The following DCAF16 variants were observed in gnomAD, a reference collection of about 807,000 sequenced individuals.
The protein encoded by DCAF16 is DDB1- and CUL4-associated factor 16.
A neutral mutation model predicts 17.3 loss-of-function variants in DCAF16; 10 were observed. The observed-to-expected ratio is 0.58, with a 90% CI of 0.36 to 0.98. The LOEUF (loss-of-function observed/expected upper bound fraction) is 0.98. Among genes scored for constraint, DCAF16 ranks in the 50% least tolerant of loss-of-function variants. The pLI is 0.01. For missense variants in DCAF16, 249 were observed against 247.6 expected, an observed-to-expected ratio of 1.01 and a Z score of -0.04; for synonymous variants, 111 against 92.8, an observed-to-expected ratio of 1.20 and a Z score of -1.12.
chr4:17,794,469 T>G, the DCAF16 span, among the ~76,000 whole-genome samples: 4 of 152,182 alleles, frequency 2.6e-5, no homozygotes, highest in African/African-American at 9.7e-5. Flanking sequence ...AGATTTCAAA[T>G]TTTTGGATTA....
At position 17,801,283 on chromosome 4, in the gene DCAF16, C is replaced by T. The variant is rs1577311874; in HGVS notation, c.*2208G>A. ...AGCTGCGATTACAGGCACATGCCAC[C>T]ACGCCCGGCTAATTTTTATATTTTT... On this transcript the variant is annotated 3_prime_UTR_variant, in exon 3 of 3. Coordinates refer to ENST00000382247, the MANE Select transcript of DCAF16 (RefSeq NM_017741.4). 1 of 152,142 alleles carries T rather than the reference C, an allele frequency of 6.6e-6. No homozygotes were observed. Among genetic ancestry groups the T allele is most frequent in the Admixed American group, 6.5e-5 (1 of 15,276 alleles). The allele number at this position is 152,142 out of a possible 1,614,324, so 9.4% of individuals were successfully genotyped here. A position where few individuals can be genotyped will look rare whatever the true frequency, so the allele number is the denominator to read the frequency against.
Position 17,801,449 on chromosome 4 carries a change from C to T in DCAF16, c.*2042G>A, listed in dbSNP as rs1181784057. On this transcript the variant is annotated 3_prime_UTR_variant, in exon 3 of 3. Coordinates refer to ENST00000382247, the MANE Select transcript of DCAF16 (RefSeq NM_017741.4). ...CTGGCCTGCTTCAATTTTTTGATGC[C>T]ACTTTGTAAACGGCACTTAATTATG... is the stretch of plus-strand genomic sequence containing the variant. 1 of 151,928 alleles carries T rather than the reference C, an allele frequency of 6.6e-6. No individual in the cohort carries two copies. Among genetic ancestry groups the T allele is most frequent in the Admixed American group, 6.6e-5 (1 of 15,236 alleles). The allele number at this position is 151,928 out of a possible 1,614,324, so 9.4% of individuals were successfully genotyped here.
intron 1 of DCAF16, among the ~76,000 whole-genome samples, chr4:17,808,580 C>T (rs1351605263): frequency 6.6e-6 from 1 of 151,760 alleles, no homozygotes; most frequent in Non-Finnish European, 1.5e-5. Flanking sequence ...TGAACCAATA[C>T]CCCCATGGCT....
intron 1 of DCAF16, among the ~76,000 whole-genome samples, chr4:17,809,169 T>C (rs1388322828): frequency 6.6e-6 from 1 of 152,224 alleles, no homozygotes; most frequent in Non-Finnish European, 1.5e-5. Context: ...AGGTATGGCA[T>C]ATTAATACAA....
downstream of DCAF16, among the ~76,000 whole-genome samples, chr4:17,800,429 A>G (rs971317875): frequency 3.3e-5 from 5 of 152,204 alleles, no homozygotes; most frequent in Admixed American, 3.3e-4. Context: ...GGAATTACTT[A>G]AAATACATAA....
chr4:17,797,980 A>C (rs1719503553), downstream of DCAF16, among the ~76,000 whole-genome samples: 2 of 152,188 alleles, frequency 1.3e-5, no homozygotes, highest in Admixed American at 1.3e-4. Flanking sequence ...CTTATTTTGC[A>C]ACACTCATTT....
downstream of DCAF16, among the ~76,000 whole-genome samples, chr4:17,796,424 C>T (rs1486148507): frequency 6.6e-6 from 1 of 152,114 alleles, no homozygotes; most frequent in Non-Finnish European, 1.5e-5. Flanking sequence ...AAAACACACA[C>T]AGATGGCCAG....
At chr4:17,809,859 G>A (rs545385694) in intron 1 of DCAF16, among the ~76,000 whole-genome samples, 1 of 152,226 alleles carries the variant, frequency 6.6e-6, no homozygotes, top group East Asian at 1.9e-4. Context: ...AAAGGTGAGG[G>A]GAGGAAATAT....
chr4:17,808,787 G>C (rs1376376890), intron 1 of DCAF16, among the ~76,000 whole-genome samples: 1 of 152,176 alleles, frequency 6.6e-6, no homozygotes, highest in Non-Finnish European at 1.5e-5. Flanking sequence ...CCAACAGTTT[G>C]GGAGGCAAAG....
intron 2 of DCAF16, 105 bp downstream of exon 2, chr4:17,805,002 T>C (rs1720181945): frequency 6.6e-6 from 1 of 152,182 alleles, no homozygotes; most frequent in Non-Finnish European, 1.5e-5. Flanking sequence ...CTGGGCCAGT[T>C]TGTATGCAGT....
chr4:17,798,081 A>G (rs1399703650), downstream of DCAF16, among the ~76,000 whole-genome samples: 8 of 152,186 alleles, frequency 5.3e-5, no homozygotes, highest in Non-Finnish European at 1.2e-4. Context: ...TGTTAAGCTA[A>G]CCAGTATCCT....
At position 17,803,951 on chromosome 4, in the gene DCAF16, G is replaced by C. The variant is rs1164090822; in HGVS notation, c.191C>G (p.Thr64Arg). Residue 64 changes from threonine to arginine, a missense_variant, in exon 3 of 3, where the codon ACA becomes AGA. Thr to Arg is a moderately conservative substitution (Grantham distance 71). Transcript: ENST00000382247. ...WQVKCLLKYSTTWKPLNPNSW... is the reference protein window; with the variant it reads ...WQVKCLLKYSRTWKPLNPNSW... ...ATTAGGATTTAAAGGTTTCCAAGTT[G>C]TGGAATATTTTAAAAGGCACTTAAC... 1 of 1,614,010 alleles carries C rather than the reference G, an allele frequency of 6.2e-7. No individual in the cohort carries two copies. The highest frequency in any genetic ancestry group is 8.5e-7 in the Non-Finnish European group (1 of 1,180,040).
intron 1 of DCAF16, among the ~76,000 whole-genome samples, chr4:17,806,461 T>C (rs946786293): frequency 6.6e-6 from 1 of 152,150 alleles, no homozygotes; most frequent in African/African-American, 2.4e-5. Flanking sequence ...CTAGACCATA[T>C]ATAAAGACAT....
At chr4:17,806,980 TAAAA>T (rs1720386983) in intron 1 of DCAF16, among the ~76,000 whole-genome samples, 2 of 152,010 alleles carry the variant, frequency 1.3e-5, no homozygotes, top group African/African-American at 4.8e-5. Flanking sequence ...TGAAAAAAAG[TAAAA>T]CTGTATTGGA....
rs780625557 is a variant in DCAF16 at position 17,804,360 on chromosome 4, A to G, written c.-219T>C. ...TCTTCACTTACAAAGAAGACATCTC[A>G]GTTTCCAGGACCAGTTCAGTGTGTA... On this transcript the variant is annotated 5_prime_UTR_variant, in exon 3 of 3. Transcript: ENST00000382247. 6 of 568,214 alleles carry G rather than the reference A, an allele frequency of 1.1e-5. No homozygotes were observed. Among genetic ancestry groups the G allele is most frequent in the South Asian group, 2.1e-5 (1 of 46,792 alleles). The allele number at this position is 568,214 out of a possible 1,614,324, so 35.2% of individuals were successfully genotyped here. A position where few individuals can be genotyped will look rare whatever the true frequency, so the allele number is the denominator to read the frequency against.
downstream of DCAF16, among the ~76,000 whole-genome samples, chr4:17,798,805 A>C (rs1719555447): frequency 6.6e-6 from 1 of 152,152 alleles, no homozygotes; most frequent in African/African-American, 2.4e-5. Context: ...AGCTTGGCAA[A>C]CTGCATGGAA....
chr4:17,801,811 T>A lies in DCAF16; in HGVS notation c.*1680A>T, dbSNP rs766204318. 1 of 152,182 alleles carries A rather than the reference T, an allele frequency of 6.6e-6. No individual in the cohort carries two copies. Among genetic ancestry groups the A allele is most frequent in the Non-Finnish European group, 1.5e-5 (1 of 68,030 alleles). The allele number at this position is 152,182 out of a possible 1,614,324, so 9.4% of individuals were successfully genotyped here. On this transcript the variant is annotated 3_prime_UTR_variant, in exon 3 of 3. Transcript: ENST00000382247. ...ACTTCAGATTGTATTAGGCTGAGAT[T>A]TTCTAATAACAAGGTTCTTTAAAAT...
rs1719908404 is a variant in DCAF16, at chr4:17,802,706, A to G, written c.*785T>C. The G allele has an allele frequency of 6.6e-6, 1 of 152,048 alleles. No individual in the cohort carries two copies. The highest frequency in any genetic ancestry group is 2.4e-5 in the African/African-American group (1 of 41,392). 9.4% of individuals were successfully genotyped at this position (152,048 alleles called of 1,614,324 possible). ...GTGTCATATGTAGGCACATCTATATAAAAGCTGGGAAAGAAATTCATAGCC... is the reference window on the plus strand; with the variant it reads ...GTGTCATATGTAGGCACATCTATATGAAAGCTGGGAAAGAAATTCATAGCC... On this transcript the variant is annotated 3_prime_UTR_variant, in exon 3 of 3. Transcript: ENST00000382247.
rs1720035129 is a variant in DCAF16 at position 17,803,829 on chromosome 4, G to T, written c.313C>A (p.Pro105Thr). 1 of 1,614,130 alleles carries T rather than the reference G, an allele frequency of 6.2e-7. No homozygotes were observed. The highest frequency in any genetic ancestry group is 8.5e-7 in the Non-Finnish European group (1 of 1,180,024). The stretch of plus-strand genomic sequence containing the variant: ...CATTCAGGAATTGGTTCCAGTTTGG[G>T]GACACAATGGGAACAATGGGAGAGT... ...LRLSHCSHCVPKLEPIPEWPP... is the reference protein window; with the variant it reads ...LRLSHCSHCVTKLEPIPEWPP... Residue 105 changes from proline (P) to threonine (T), a missense_variant, in exon 3 of 3, where the codon CCC becomes ACC. Physicochemically the swap from Pro to Thr is conservative, Grantham distance 38. Transcript: ENST00000382247.
Sources: gnomAD v4.1 joint callset for allele counts (sites outside exome capture counted in the v4.1 genomes callset) on GRCh38, gnomAD v4.1.1 for gene constraint, MANE v1.5 for transcripts, NCBI Gene and HGNC (gene_info 2026-07-23, HGNC 2026-07-21) for gene names.